The following CSMD1 variants were observed in gnomAD, a reference collection of about 807,000 sequenced individuals.
CSMD1 encodes the protein CUB and Sushi multiple domains 1.
Under a neutral mutation model 417.5 loss-of-function variants are expected in CSMD1, and 213 were observed. That is an observed-to-expected ratio of 0.51 (90% CI 0.46 to 0.57). The LOEUF is 0.57. CSMD1 is among the 20% of genes least tolerant of loss of function. The pLI, the probability that CSMD1 is intolerant of heterozygous loss-of-function variation, is 0.00. For missense variants in CSMD1, 6,923 were observed against 4,529.7 expected (o/e 1.53, Z -15.17); for synonymous variants, 2,862 against 1,736.8 (o/e 1.65, Z -16.11).
intron 7 of CSMD1, among the ~76,000 whole-genome samples, chr8:3,669,917 T>A (rs118065225): frequency 1.1e-3 from 173 of 152,222 alleles, no homozygotes; most frequent in East Asian, 9.7e-3. Context: ...TTTGAGGAAA[T>A]GAAGATGTTT....
intron 3 of CSMD1, among the ~76,000 whole-genome samples, chr8:4,361,421 A>C (rs1219792605): frequency 6.6e-6 from 1 of 152,134 alleles, no homozygotes; most frequent in African/African-American, 2.4e-5. Flanking sequence ...GCTTCTAAGT[A>C]ATCTGAAAAA....
intron 3 of CSMD1, among the ~76,000 whole-genome samples, chr8:4,073,943 G>T (rs1226734378): frequency 9.9e-5 from 15 of 152,060 alleles, no homozygotes; most frequent in Non-Finnish European, 1.5e-5. Context: ...TTTGACGGTT[G>T]CTTCTTTTGA....
intron 3 of CSMD1, among the ~76,000 whole-genome samples, chr8:4,151,813 A>C (rs867377683): frequency 6.6e-6 from 1 of 152,270 alleles, no homozygotes; most frequent in South Asian, 2.1e-4. Context: ...TAATTGTTCG[A>C]AGTTTTTTTA....
chr8:4,315,119 G>A (rs137980059), intron 3 of CSMD1, among the ~76,000 whole-genome samples: 7 of 152,246 alleles, frequency 4.6e-5, no homozygotes, highest in African/African-American at 1.2e-4. Flanking sequence ...TTACACCATC[G>A]CAAGAGCACC....
intron 11 of CSMD1, among the ~76,000 whole-genome samples, chr8:3,470,170 T>C (rs992629118): frequency 1.5e-4 from 23 of 152,200 alleles, no homozygotes; most frequent in African/African-American, 4.1e-4. Context: ...GTTTTACATC[T>C]TCTTTAAAGT....
intron 49 of CSMD1, among the ~76,000 whole-genome samples, chr8:3,056,803 T>A (rs1293549268): frequency 1.3e-5 from 2 of 151,946 alleles, no homozygotes; most frequent in Non-Finnish European, 2.9e-5. Context: ...TTCAAGTATT[T>A]CCAAAGTATT....
At chr8:4,205,837 T>G (rs1258300134) in intron 3 of CSMD1, among the ~76,000 whole-genome samples, 2 of 152,198 alleles carry the variant, frequency 1.3e-5, no homozygotes, top group African/African-American at 2.4e-5. Context: ...CATTAACATA[T>G]GAGTACAAAT....
chr8:4,364,632 G>A (rs1168530077), intron 3 of CSMD1, among the ~76,000 whole-genome samples: 1 of 20,008 alleles, frequency 5.0e-5, no homozygotes, highest in Non-Finnish European at 8.2e-5. Context: ...AGACCATCCC[G>A]GCTAAAACGG....
chr8:4,653,434 G>T (rs1804033213), intron 1 of CSMD1, among the ~76,000 whole-genome samples: 1 of 152,062 alleles, frequency 6.6e-6, no homozygotes, highest in South Asian at 2.1e-4. Context: ...AGAGTACCTT[G>T]TCTGTCATGT....
At chr8:3,042,850 C>G (rs1811197668) in intron 50 of CSMD1, among the ~76,000 whole-genome samples, 1 of 151,834 alleles carries the variant, frequency 6.6e-6, no homozygotes, top group African/African-American at 2.4e-5. Context: ...CCTAGTACTG[C>G]AGGATTATAC....
At chr8:3,757,444 AAT>A (rs1797721248) in intron 5 of CSMD1, among the ~76,000 whole-genome samples, 1 of 152,194 alleles carries the variant, frequency 6.6e-6, no homozygotes, top group Admixed American at 6.5e-5. Flanking sequence ...TGTGTCACAA[AAT>A]AGTTACTTTT....
intron 1 of CSMD1, among the ~76,000 whole-genome samples, chr8:4,847,374 C>T (rs1345924809): frequency 6.6e-6 from 1 of 152,060 alleles, no homozygotes; most frequent in East Asian, 1.9e-4. Flanking sequence ...TTTTCAGATA[C>T]CAAATAAAAA....
intron 7 of CSMD1, among the ~76,000 whole-genome samples, chr8:3,626,498 ATATAGT>A (rs1323745526): frequency 6.6e-6 from 1 of 152,108 alleles, no homozygotes; most frequent in African/African-American, 2.4e-5. Flanking sequence ...TTAGAAACAT[ATATAGT>A]TATAGTTAAA....
chr8:3,407,412 G>C (rs1281270045), intron 14 of CSMD1, among the ~76,000 whole-genome samples: 5 of 147,960 alleles, frequency 3.4e-5, no homozygotes, highest in East Asian at 4.1e-4. Context: ...AGGATGAATG[G>C]ATGGAAGGAT....
intron 28 of CSMD1, among the ~76,000 whole-genome samples, chr8:3,221,058 A>G (rs76097554): frequency 6.6e-6 from 1 of 152,208 alleles, no homozygotes; most frequent in East Asian, 1.9e-4. Context: ...TGTAATCACT[A>G]AAATGTTCTA....
chr8:3,507,272 T>A (rs145133806), intron 10 of CSMD1, among the ~76,000 whole-genome samples: 7 of 152,308 alleles, frequency 4.6e-5, no homozygotes, highest in African/African-American at 1.7e-4. Context: ...CTTCTGCCTT[T>A]ACTCATCTCA....
At chr8:3,266,162 G>T (rs1801414748) in intron 26 of CSMD1, among the ~76,000 whole-genome samples, 1 of 150,924 alleles carries the variant, frequency 6.6e-6, no homozygotes, top group Non-Finnish European at 1.5e-5. Flanking sequence ...AACCCTCCAG[G>T]ACACCTGCCT....
At chr8:4,934,520 T>G (rs1807467759) in intron 1 of CSMD1, among the ~76,000 whole-genome samples, 1 of 152,120 alleles carries the variant, frequency 6.6e-6, no homozygotes, top group South Asian at 2.1e-4. Context: ...TTCCGGGGCT[T>G]TGAGCTGACT....
intron 3 of CSMD1, among the ~76,000 whole-genome samples, chr8:4,302,137 A>G (rs1194511993): frequency 6.6e-6 from 1 of 152,208 alleles, no homozygotes; most frequent in Admixed American, 6.5e-5. Context: ...TTGCTAACAA[A>G]AAAACAGTTT....
Sources: gnomAD v4.1 joint callset for allele counts (sites outside exome capture counted in the v4.1 genomes callset) on GRCh38, gnomAD v4.1.1 for gene constraint, MANE v1.5 for transcripts, NCBI Gene and HGNC (gene_info 2026-07-23, HGNC 2026-07-21) for gene names.